The following NXPE2 variants were observed in gnomAD, a reference collection of about 807,000 sequenced individuals.
The protein encoded by NXPE2 is neurexophilin and PC-esterase domain family member 2, also known as NXPE family member 2.
A neutral mutation model predicts 34.4 loss-of-function variants in NXPE2; 34 were observed. The ratio of observed to expected loss-of-function variants is 0.99; its 90% CI spans 0.75 to 1.31. The LOEUF (loss-of-function observed/expected upper bound fraction) is 1.31. NXPE2 is among the 40% of genes most tolerant of loss of function. NXPE2 has a pLI of 0.00. For missense variants in NXPE2, 649 were observed against 672.5 expected (o/e 0.97, Z 0.39); for synonymous variants, 235 against 231.3 (o/e 1.02, Z -0.15).
chr11:114,522,011 A>T, the NXPE2 span: 1 of 1,613,766 alleles, frequency 6.2e-7, no homozygotes, highest in Admixed American at 1.7e-5. Flanking sequence ...ATTTCCAATC[A>T]CATGATCAGG....
the NXPE2 span, among the ~76,000 whole-genome samples, chr11:114,727,989 G>C: frequency 1.3e-5 from 2 of 152,132 alleles, no homozygotes; most frequent in East Asian, 3.9e-4. Context: ...TGTTAGCAAG[G>C]CTGATTCCTT....
chr11:114,554,353 G>A, the NXPE2 span: 1 of 985,120 alleles, frequency 1.0e-6, no homozygotes, highest in African/African-American at 1.7e-5. Flanking sequence ...TTGTGTAAAT[G>A]AGAGGGGGCA....
the NXPE2 span, among the ~76,000 whole-genome samples, chr11:114,767,159 T>A: frequency 1.3e-5 from 2 of 152,166 alleles, no homozygotes; most frequent in African/African-American, 4.8e-5. Context: ...TTTATGCCTT[T>A]TCATACTTGC....
the NXPE2 span, among the ~76,000 whole-genome samples, chr11:114,609,602 C>G: frequency 8.4e-3 from 1,277 of 151,774 alleles, 18 homozygotes; most frequent in African/African-American, 0.029. Flanking sequence ...ATAAGTGTTG[C>G]CTCGTGGGTA....
At chr11:114,738,753 C>A in the NXPE2 span, among the ~76,000 whole-genome samples, 80 of 152,268 alleles carry the variant, frequency 5.3e-4, no homozygotes, top group African/African-American at 1.9e-3. Context: ...ATAAAAAGAT[C>A]AGAGTCTTAG....
At chr11:114,760,372 G>T in the NXPE2 span, among the ~76,000 whole-genome samples, 1 of 152,184 alleles carries the variant, frequency 6.6e-6, no homozygotes, top group Non-Finnish European at 1.5e-5. Context: ...CCAGAACCGG[G>T]AGAAATAAAT....
At chr11:114,651,226 G>C in the NXPE2 span, among the ~76,000 whole-genome samples, 3 of 152,018 alleles carry the variant, frequency 2.0e-5, no homozygotes, top group African/African-American at 7.2e-5. Context: ...GGTGTGTCTG[G>C]GGTTTCTTCC....
the NXPE2 span, among the ~76,000 whole-genome samples, chr11:114,472,473 G>T: frequency 1.3e-5 from 2 of 152,194 alleles, no homozygotes; most frequent in African/African-American, 2.4e-5. Flanking sequence ...GCCATCCTGG[G>T]TCACATGTGG....
the NXPE2 span, among the ~76,000 whole-genome samples, chr11:114,629,076 C>A: frequency 6.6e-6 from 1 of 152,018 alleles, no homozygotes; most frequent in Non-Finnish European, 1.5e-5. Flanking sequence ...GATTCACAGT[C>A]GAATTCTACC....
At chr11:114,756,133 T>C in the NXPE2 span, among the ~76,000 whole-genome samples, 1 of 152,196 alleles carries the variant, frequency 6.6e-6, no homozygotes, top group Non-Finnish European at 1.5e-5. Context: ...CCTGGGCCCA[T>C]TAAGTGGTTT....
chr11:114,594,474 G>A, the NXPE2 span, among the ~76,000 whole-genome samples: 1 of 152,174 alleles, frequency 6.6e-6, no homozygotes, highest in South Asian at 2.1e-4. Context: ...GAATGTGTAT[G>A]TGTGAACACA....
At chr11:114,585,759 C>A in the NXPE2 span, among the ~76,000 whole-genome samples, 1 of 152,128 alleles carries the variant, frequency 6.6e-6, no homozygotes, top group Admixed American at 6.5e-5. Context: ...GCCCCCAAAT[C>A]ATTTCTTTTC....
the NXPE2 span, among the ~76,000 whole-genome samples, chr11:114,670,780 A>G: frequency 6.6e-6 from 1 of 151,894 alleles, no homozygotes; most frequent in Non-Finnish European, 1.5e-5. Flanking sequence ...TTGCTATAAT[A>G]TTTTATCTGA....
chr11:114,698,497 C>A lies in NXPE2; in HGVS notation c.585C>A (p.His195Gln), dbSNP rs765803379. 29 of 1,614,112 alleles carry A rather than the reference C, an allele frequency of 1.8e-5. No individual in the cohort carries two copies. The Middle Eastern group carries it at 4.9e-4, about 28-fold the overall frequency. ...TTTCCCTGTCTCTGCTGCTCATCCA[C>A]CCCAGTGAAGGGGTATCAGCTCTCT... ...GQVSLSLLLI[H>Q]PSEGVSALWR... is the part of the protein sequence containing the mutation. The change falls in exon 3 of 6, where the codon CAC becomes CAA. Residue 195 changes from histidine to glutamine, a missense_variant. Transcript: ENST00000389586.
chr11:114,562,020 C>T, the NXPE2 span, among the ~76,000 whole-genome samples: 1 of 152,120 alleles, frequency 6.6e-6, no homozygotes, highest in Non-Finnish European at 1.5e-5. Flanking sequence ...CTGCAATATC[C>T]TCTCACATCA....
At chr11:114,735,822 T>C in the NXPE2 span, among the ~76,000 whole-genome samples, 1 of 152,362 alleles carries the variant, frequency 6.6e-6, no homozygotes, top group East Asian at 1.9e-4. Flanking sequence ...ATGGGCACCA[T>C]CTGTGCCTTA....
At chr11:114,743,795 A>ATG in the NXPE2 span, among the ~76,000 whole-genome samples, 1 of 150,994 alleles carries the variant, frequency 6.6e-6, no homozygotes, top group African/African-American at 2.4e-5. Context: ...TATTATGTAT[A>ATG]TGTGTGTGTG....
the NXPE2 span, among the ~76,000 whole-genome samples, chr11:114,632,666 GTATATATATTTATATATATAAA>G: frequency 0.2 from 16,134 of 81,536 alleles, 1,912 homozygotes; most frequent in African/African-American, 0.34. Flanking sequence ...TAAATATATA[GTATATATATTTATATATATAAA>G]TTTATATATT....
At chr11:114,652,383 C>T in the NXPE2 span, among the ~76,000 whole-genome samples, 2 of 152,170 alleles carry the variant, frequency 1.3e-5, no homozygotes, top group African/African-American at 2.4e-5. Context: ...CCCTAGACTG[C>T]GATTTGTACA....
Sources: gnomAD v4.1 joint callset for allele counts (sites outside exome capture counted in the v4.1 genomes callset) on GRCh38, gnomAD v4.1.1 for gene constraint, MANE v1.5 for transcripts, NCBI Gene and HGNC (gene_info 2026-07-23, HGNC 2026-07-21) for gene names.